BAIAP2: variants seen among roughly 807,000 people sequenced by gnomAD.
BAIAP2 encodes BAR/IMD domain containing adaptor protein 2.
A neutral mutation model predicts 63.0 loss-of-function variants in BAIAP2; 18 were observed. The ratio of observed to expected loss-of-function variants is 0.29; its 90% CI spans 0.20 to 0.42. The LOEUF is 0.42. Ranked by LOEUF, BAIAP2 falls within the 10% of genes least tolerant of loss-of-function variation. The probability of loss-of-function intolerance (pLI) is 1.00; values close to 1 mark genes in which losing one functional copy is unlikely to be tolerated. For synonymous variants in BAIAP2, 386 were observed against 307.6 expected, an observed-to-expected ratio of 1.25 and a Z score of -2.67; for missense variants, 610 against 734.3, an observed-to-expected ratio of 0.83 and a Z score of 1.96.
intron 2 of BAIAP2, chr17:81,057,665 C>G (rs956872671): frequency 4.4e-6 from 6 of 1,349,040 alleles, no homozygotes; most frequent in Non-Finnish European, 5.7e-6. Flanking sequence ...TGTGTTCTTA[C>G]GAGTCAAGGG....
At chr17:81,099,867 A>C (rs1438347231) in intron 6 of BAIAP2, 61 bp from the exon 7 acceptor site, 4 of 1,582,298 alleles carry the variant, frequency 2.5e-6, no homozygotes, top group Non-Finnish European at 3.4e-6. Flanking sequence ...GGCTGCCCCA[A>C]ACCGGTCCTG....
At chr17:81,058,707 T>C (rs1433391094) in intron 3 of BAIAP2, among the ~76,000 whole-genome samples, 2 of 152,192 alleles carry the variant, frequency 1.3e-5, no homozygotes, top group East Asian at 3.9e-4. Context: ...ACCACTTGGA[T>C]TCCTCTTCCC....
intron 6 of BAIAP2, chr17:81,098,065 A>G: frequency 3.2e-6 from 4 of 1,259,504 alleles, no homozygotes; most frequent in South Asian, 2.7e-5. Flanking sequence ...CCTCAGGCAC[A>G]TGATCCCCAG....
At chr17:81,104,803 T>TG (rs1598805451) in intron 10 of BAIAP2, 88 bp downstream of exon 10, 2 of 1,361,802 alleles carry the variant, frequency 1.5e-6, no homozygotes, top group East Asian at 5.1e-5. Context: ...TGAGACCTTG[T>TG]GTTTAGAGTG....
chr17:81,045,244 G>A (rs1410637093), intron 1 of BAIAP2, among the ~76,000 whole-genome samples: 2 of 152,198 alleles, frequency 1.3e-5, no homozygotes, highest in African/African-American at 2.4e-5. Context: ...GGGCGTGCAG[G>A]TGTCCAAGGC....
intron 3 of BAIAP2, among the ~76,000 whole-genome samples, chr17:81,078,261 G>T (rs1175498249): frequency 7.9e-6 from 1 of 127,088 alleles, no homozygotes; most frequent in African/African-American, 2.9e-5. Flanking sequence ...TTGGGTGGGA[G>T]CCAGGCGCTG....
At chr17:81,104,920 C>T (rs1025231978) in intron 10 of BAIAP2, among the ~76,000 whole-genome samples, 13 of 151,928 alleles carry the variant, frequency 8.6e-5, no homozygotes, top group African/African-American at 2.2e-4. Flanking sequence ...CAGGGGTCTT[C>T]GCCCCAACCA....
chr17:81,036,728 TGTTAG>T, intron 1 of BAIAP2: 1 of 724,206 alleles, frequency 1.4e-6, no homozygotes, highest in Non-Finnish European at 2.3e-6. Flanking sequence ...GCCCTGGGGT[TGTTAG>T]GTTTGGTTTC....
In BAIAP2 at chr17:81,104,443, A is replaced by G. The variant is rs886230167; in HGVS notation, c.1067-71A>G. 3.3e-6 allele frequency: 5 copies of G among 1,493,238 alleles called. No individual in the cohort carries two copies. In the African/African-American group the frequency reaches 6.9e-5, roughly 21 times the overall value. 92.5% of individuals were successfully genotyped at this position (1,493,238 alleles called of 1,614,324 possible). A position where few individuals can be genotyped will look rare whatever the true frequency, so the allele number is the denominator to read the frequency against. Reference sequence around the variant, plus strand: ...CAGGCGGCTGTGCTCTCAGCACCTCAACCAGACTCCCTGGGCTTTGCTGCC... The same window carrying G: ...CAGGCGGCTGTGCTCTCAGCACCTCGACCAGACTCCCTGGGCTTTGCTGCC... On this transcript the variant is annotated intron_variant, in intron 9 of 13. Transcript: ENST00000428708.
rs879295310 is a variant in BAIAP2 at position 81,086,709 on chromosome 17, C to G, written c.489+129C>G. 479 of 1,083,420 alleles carry G rather than the reference C, an allele frequency of 4.4e-4. 2 individuals carry two copies. The highest frequency in any genetic ancestry group is 6.0e-4 in the Non-Finnish European group (449 of 746,948). The allele number at this position is 1,083,420 out of a possible 1,614,324, so 67.1% of individuals were successfully genotyped here. A position where few individuals can be genotyped will look rare whatever the true frequency, so the allele number is the denominator to read the frequency against. On this transcript the variant is annotated intron_variant, in intron 6 of 13. Transcript: ENST00000428708. ...GATCAGACAGAGGCAGGCTGTGTGT[C>G]CCTGGTAGACCTCGGGAGCGGTGGG... is the stretch of plus-strand genomic sequence containing the variant.
intron 1 of BAIAP2, among the ~76,000 whole-genome samples, chr17:81,050,753 A>G (rs1034434242): frequency 4.8e-5 from 7 of 146,768 alleles, no homozygotes; most frequent in Non-Finnish European, 6.1e-5. Context: ...GTGGACACAC[A>G]TGCACACATG....
chr17:81,093,932 C>G (rs956373828), intron 6 of BAIAP2, among the ~76,000 whole-genome samples: 2 of 151,900 alleles, frequency 1.3e-5, no homozygotes, highest in African/African-American at 4.8e-5. Context: ...TGGACAACCC[C>G]TCCCCCCCAC....
chr17:81,113,416 G>A (rs368337381), intron 13 of BAIAP2, among the ~76,000 whole-genome samples: 1 of 152,266 alleles, frequency 6.6e-6, no homozygotes, highest in Non-Finnish European at 1.5e-5. Flanking sequence ...AGTGGCCTTG[G>A]GCTGCAGACT....
chr17:81,044,702 C>T (rs771766644), intron 1 of BAIAP2, among the ~76,000 whole-genome samples: 3 of 152,234 alleles, frequency 2.0e-5, no homozygotes, highest in Non-Finnish European at 2.9e-5. Context: ...ACCTGTCTGT[C>T]TTCAGGCTGA....
intron 1 of BAIAP2, among the ~76,000 whole-genome samples, chr17:81,040,608 G>T (rs1434516835): frequency 2.0e-5 from 3 of 152,264 alleles, no homozygotes; most frequent in African/African-American, 7.2e-5. Flanking sequence ...TCGGTATTTG[G>T]GAATGAACAC....
At chr17:81,073,436 C>CGG (rs1568117987) in intron 3 of BAIAP2, among the ~76,000 whole-genome samples, 2 of 152,196 alleles carry the variant, frequency 1.3e-5, no homozygotes, top group African/African-American at 4.8e-5. Context: ...AAGCTGGTCT[C>CGG]GGGCCGTGCT....
intron 3 of BAIAP2, among the ~76,000 whole-genome samples, chr17:81,065,642 C>T (rs1212969571): frequency 6.6e-6 from 1 of 152,218 alleles, no homozygotes; most frequent in Non-Finnish European, 1.5e-5. Flanking sequence ...GCCTATGGCC[C>T]AGGCCCTCTC....
chr17:81,089,494 G>A (rs1011036768), intron 6 of BAIAP2, among the ~76,000 whole-genome samples: 7 of 152,350 alleles, frequency 4.6e-5, no homozygotes, highest in Admixed American at 3.9e-4. Context: ...GTGGCTGGTG[G>A]CTGGGCCCGT....
intron 7 of BAIAP2, among the ~76,000 whole-genome samples, chr17:81,102,290 G>A (rs1041967708): frequency 2.0e-5 from 3 of 152,166 alleles, no homozygotes; most frequent in South Asian, 2.1e-4. Flanking sequence ...GCTCGTGGCC[G>A]CTGTGTCAGG....
Sources: gnomAD v4.1 joint callset for allele counts (sites outside exome capture counted in the v4.1 genomes callset) on GRCh38, gnomAD v4.1.1 for gene constraint, MANE v1.5 for transcripts, NCBI Gene and HGNC (gene_info 2026-07-23, HGNC 2026-07-21) for gene names.